The following SIPA1L1 variants were observed in gnomAD, a reference collection of about 807,000 sequenced individuals.
The protein encoded by SIPA1L1 is signal induced proliferation associated 1 like 1, also known as signal-induced proliferation-associated 1-like protein 1.
Under a neutral mutation model 162.7 loss-of-function variants are expected in SIPA1L1, and 26 were observed. The observed-to-expected ratio is 0.16, with a 90% confidence interval of 0.12 to 0.22. The LOEUF is 0.22. SIPA1L1 is among the 10% of genes least tolerant of loss of function. The pLI, the probability that SIPA1L1 is intolerant of heterozygous loss-of-function variation, is 1.00. For synonymous variants in SIPA1L1, 829 were observed against 837.4 expected (o/e 0.99, Z 0.17); for missense variants, 1,874 against 2,241.0 (o/e 0.84, Z 3.31).
chr14:71,530,638 T>G (rs1397322086), intron 4 of SIPA1L1, among the ~76,000 whole-genome samples: 1 of 152,180 alleles, frequency 6.6e-6, no homozygotes, highest in East Asian at 1.9e-4. Flanking sequence ...TTACCTCTCC[T>G]CAACACTCTA....
At chr14:71,417,047 G>A (rs887089704) in intron 2 of SIPA1L1, among the ~76,000 whole-genome samples, 1 of 151,928 alleles carries the variant, frequency 6.6e-6, no homozygotes, top group African/African-American at 2.4e-5. Context: ...CACCGTGCCT[G>A]GCCTGCATGT....
At chr14:71,488,633 CTT>C (rs2048970187) in intron 2 of SIPA1L1, among the ~76,000 whole-genome samples, 1 of 152,084 alleles carries the variant, frequency 6.6e-6, no homozygotes, top group Admixed American at 6.5e-5. Flanking sequence ...CATGGTTTTC[CTT>C]TATTTTCCTG....
At chr14:71,507,951 A>G (rs1280171341) in intron 2 of SIPA1L1, among the ~76,000 whole-genome samples, 12 of 152,148 alleles carry the variant, frequency 7.9e-5, no homozygotes, top group Admixed American at 7.9e-4. Flanking sequence ...AGGCCTTGGG[A>G]TAAGAGGAAA....
intron 5 of SIPA1L1, among the ~76,000 whole-genome samples, chr14:71,603,967 A>C (rs1292631055): frequency 2.1e-5 from 3 of 142,676 alleles, no homozygotes; most frequent in Non-Finnish European, 4.5e-5. Flanking sequence ...ATATTTATAT[A>C]TAGATATATT....
intron 3 of SIPA1L1, among the ~76,000 whole-genome samples, chr14:71,524,653 T>C (rs2145051721): frequency 6.6e-6 from 1 of 152,352 alleles, no homozygotes; most frequent in South Asian, 2.1e-4. Flanking sequence ...CTCACTATGT[T>C]GCCAAGGCTG....
intron 2 of SIPA1L1, among the ~76,000 whole-genome samples, chr14:71,468,244 T>C (rs903565248): frequency 3.9e-5 from 6 of 152,204 alleles, no homozygotes; most frequent in African/African-American, 1.4e-4. Context: ...CATATTTAAA[T>C]AAGTACCCAA....
chr14:71,590,040 AAAAAATATAT>A (rs1376681249), intron 5 of SIPA1L1, among the ~76,000 whole-genome samples: 96 of 64,614 alleles, frequency 1.5e-3, no homozygotes, highest in Non-Finnish European at 2.0e-3. Context: ...AAAAAAAAAA[AAAAAATATAT>A]ATATATATAT....
intron 18 of SIPA1L1, among the ~76,000 whole-genome samples, chr14:71,724,087 T>C (rs1206113720): frequency 6.6e-6 from 1 of 152,208 alleles, no homozygotes; most frequent in African/African-American, 2.4e-5. Flanking sequence ...ATAAGATTTA[T>C]TGCAAAATGT....
At chr14:71,343,672 G>T (rs370471758) in intron 2 of SIPA1L1, among the ~76,000 whole-genome samples, 1 of 152,050 alleles carries the variant, frequency 6.6e-6, no homozygotes, top group East Asian at 1.9e-4. Flanking sequence ...GCTCTGTCCA[G>T]TAAAAGGCTT....
At chr14:71,544,290 C>T (rs1482807802) in intron 4 of SIPA1L1, among the ~76,000 whole-genome samples, 1 of 105,850 alleles carries the variant, frequency 9.4e-6, no homozygotes, top group Non-Finnish European at 2.5e-5. Flanking sequence ...TGTGTATATA[C>T]ATATATATCA....
chr14:71,357,942 G>T (rs1167287234), intron 2 of SIPA1L1, among the ~76,000 whole-genome samples: 2 of 152,176 alleles, frequency 1.3e-5, no homozygotes, highest in South Asian at 4.1e-4. Context: ...ACATTGGCCA[G>T]GTTGGTCTCG....
At chr14:71,568,818 G>GT (rs1326145056) in intron 4 of SIPA1L1, among the ~76,000 whole-genome samples, 1 of 152,188 alleles carries the variant, frequency 6.6e-6, no homozygotes. Flanking sequence ...TTTTGTAAAA[G>GT]TTTAACAAAA....
intron 4 of SIPA1L1, among the ~76,000 whole-genome samples, chr14:71,554,977 T>C (rs2056222051): frequency 1.3e-5 from 2 of 152,180 alleles, no homozygotes; most frequent in South Asian, 4.1e-4. Context: ...ACTCTTCCAG[T>C]AGCTAATGAG....
chr14:71,544,139 A>G (rs554688737), intron 4 of SIPA1L1, among the ~76,000 whole-genome samples: 9 of 151,080 alleles, frequency 6.0e-5, no homozygotes, highest in African/African-American at 9.8e-5. Context: ...GTATGTATAT[A>G]CATATATGCA....
chr14:71,485,217 A>T (rs1399011266), intron 2 of SIPA1L1, among the ~76,000 whole-genome samples: 1 of 152,242 alleles, frequency 6.6e-6, no homozygotes, highest in Non-Finnish European at 1.5e-5. Flanking sequence ...ATGCTATTAC[A>T]GTTAAGTCCA....
chr14:71,680,849 A>C (rs117974084), intron 12 of SIPA1L1, among the ~76,000 whole-genome samples: 209 of 152,296 alleles, frequency 1.4e-3, no homozygotes, highest in Non-Finnish European at 2.5e-3. Flanking sequence ...CTTTATAGCC[A>C]CAGGATGGGG....
chr14:71,530,905 C>T (rs970559511), intron 4 of SIPA1L1, among the ~76,000 whole-genome samples: 42 of 152,266 alleles, frequency 2.8e-4, no homozygotes, highest in African/African-American at 9.6e-4. Context: ...AATTGAGGAT[C>T]GCTGAAAGAG....
chr14:71,610,416 A>G (rs2038074718), intron 5 of SIPA1L1, among the ~76,000 whole-genome samples: 1 of 152,254 alleles, frequency 6.6e-6, no homozygotes, highest in South Asian at 2.1e-4. Context: ...AGAAAGATCC[A>G]CTGGTGTGTT....
At chr14:71,707,760 G>A (rs2082556534) in intron 16 of SIPA1L1, among the ~76,000 whole-genome samples, 1 of 150,812 alleles carries the variant, frequency 6.6e-6, no homozygotes, top group Non-Finnish European at 1.5e-5. Context: ...TGAATAATTT[G>A]GCTGTAAACA....
Sources: allele counts gnomAD v4.1 joint callset (sites outside exome capture counted in the v4.1 genomes callset), GRCh38; gene constraint gnomAD v4.1.1; transcripts MANE v1.5; gene names NCBI Gene and HGNC (gene_info 2026-07-23, HGNC 2026-07-21).